Variants in PODXL observed in about 807,000 individuals in gnomAD.
PODXL encodes the protein podocalyxin like, also known as podocalyxin.
Under a neutral mutation model 48.9 loss-of-function variants are expected in PODXL, and 20 were observed. The observed-to-expected ratio is 0.41, with a 90% confidence interval of 0.29 to 0.59. PODXL has a LOEUF of 0.59. PODXL is among the 20% of genes least tolerant of loss of function. The pLI, the probability that PODXL is intolerant of heterozygous loss-of-function variation, is 0.31. For missense variants in PODXL, 606 were observed against 675.1 expected (o/e 0.90, Z 1.13); for synonymous variants, 295 against 287.4 (o/e 1.03, Z -0.27).
At chr7:131,549,673 G>A (rs753118833) in intron 1 of PODXL, among the ~76,000 whole-genome samples, 60 of 152,290 alleles carry the variant, frequency 3.9e-4, no homozygotes, top group Middle Eastern at 6.8e-3. Context: ...GGCTCTGGGA[G>A]GTCCCTGCAC....
intron 1 of PODXL, among the ~76,000 whole-genome samples, chr7:131,541,215 A>G (rs530115628): frequency 6.0e-4 from 91 of 152,264 alleles, no homozygotes; most frequent in Admixed American, 9.8e-4. Flanking sequence ...AGCTAAAACT[A>G]TCACCTATCT....
Position 131,556,543 on chromosome 7 carries a change from C to A in PODXL, c.-184G>T. On this transcript the variant is annotated 5_prime_UTR_variant, in exon 1 of 9. Coordinates refer to ENST00000378555, the MANE Select transcript of PODXL (RefSeq NM_001018111.3). ...TTCCTCCCTGCCGCTGCAGCAGAGC[C>A]GGGCTGGGGCGCAGAGCCAGTGGCA... 1 of 651,352 alleles carries A rather than the reference C, an allele frequency of 1.5e-6. No individual in the cohort carries two copies. Among genetic ancestry groups the A allele is most frequent in the African/African-American group, 1.9e-5 (1 of 52,572 alleles). The allele number at this position is 651,352 out of a possible 1,614,324, so 40.3% of individuals were successfully genotyped here. A position where few individuals can be genotyped will look rare whatever the true frequency, so the allele number is the denominator to read the frequency against.
intron 1 of PODXL, 46 bp downstream of exon 1, chr7:131,556,214 C>A: frequency 7.0e-7 from 1 of 1,423,452 alleles, no homozygotes; most frequent in Non-Finnish European, 9.2e-7. Context: ...GCAGGGGGCA[C>A]ATGGGCACGG....
At chr7:131,517,176 C>G (rs1798012465) in intron 1 of PODXL, among the ~76,000 whole-genome samples, 1 of 152,184 alleles carries the variant, frequency 6.6e-6, no homozygotes, top group Non-Finnish European at 1.5e-5. Context: ...GGAAATGCTG[C>G]TGATTTCAGT....
intron 1 of PODXL, among the ~76,000 whole-genome samples, chr7:131,545,968 C>T (rs1449372582): frequency 6.6e-6 from 1 of 152,226 alleles, no homozygotes; most frequent in East Asian, 1.9e-4. Flanking sequence ...AGAGCAATGC[C>T]CCCAAGGCAG....
Position 131,509,393 on chromosome 7 carries a change from G to T in PODXL, c.995C>A (p.Ser332Tyr). The T allele has an allele frequency of 6.2e-7, 1 of 1,614,114 alleles. No homozygotes were observed. Among genetic ancestry groups the T allele is most frequent in the South Asian group, 1.1e-5 (1 of 91,078 alleles). Residue 332 changes from serine to tyrosine, a missense_variant, in exon 4 of 9, where the codon TCT (serine) becomes TAT (tyrosine). Ser to Tyr is a moderately radical substitution (Grantham distance 144). Transcript: ENST00000378555. ...GTTACTCTCATGAGCCACAGTGGGA[G>T]AAGGTGTTTTGGGGTATCGGTGGGT... ...STTHRYPKTP[S>Y]PTVAHESNWA... is the part of the protein sequence containing the mutation.
chr7:131,543,096 CCA>C (rs1287597291), intron 1 of PODXL, among the ~76,000 whole-genome samples: 1 of 152,102 alleles, frequency 6.6e-6, no homozygotes, highest in Admixed American at 6.5e-5. Flanking sequence ...TGTTTTGAAG[CCA>C]CAGTTTTCTA....
intron 1 of PODXL, among the ~76,000 whole-genome samples, chr7:131,521,801 G>A (rs969926732): frequency 1.3e-5 from 2 of 152,188 alleles, no homozygotes; most frequent in South Asian, 2.1e-4. Flanking sequence ...ACCCTTGCGG[G>A]TGGGGCTGGC....
intron 1 of PODXL, 48 bp downstream of exon 1, chr7:131,556,212 C>A (rs370022891): frequency 1.4e-5 from 20 of 1,416,440 alleles, no homozygotes; most frequent in Non-Finnish European, 1.7e-5. Context: ...GGGCAGGGGG[C>A]ACATGGGCAC....
intron 1 of PODXL, among the ~76,000 whole-genome samples, chr7:131,534,866 A>T (rs1463689380): frequency 1.3e-5 from 2 of 152,134 alleles, no homozygotes; most frequent in Non-Finnish European, 2.9e-5. Flanking sequence ...CCTGGAAAAC[A>T]TGGTGAAACC....
intron 1 of PODXL, among the ~76,000 whole-genome samples, chr7:131,546,496 C>T (rs376130740): frequency 1.8e-4 from 28 of 151,974 alleles, no homozygotes; most frequent in Admixed American, 1.3e-3. Context: ...GAGGCTGAGG[C>T]GGGCGGATCA....
chr7:131,509,904 G>A (rs1797879797), intron 3 of PODXL, among the ~76,000 whole-genome samples: 1 of 152,206 alleles, frequency 6.6e-6, no homozygotes, highest in South Asian at 2.1e-4. Context: ...GGCTCCGAGG[G>A]GCTCAGTGAT....
At chr7:131,539,610 C>T (rs564261807) in intron 1 of PODXL, among the ~76,000 whole-genome samples, 5 of 152,222 alleles carry the variant, frequency 3.3e-5, no homozygotes, top group East Asian at 1.9e-4. Context: ...TGAGCCACCA[C>T]GCCCAGTCCC....
chr7:131,504,309 G>C lies in PODXL; in HGVS notation c.*2C>G, dbSNP rs1797761028. ...GCTGCTGGAGGCCACCGGCAGACCG[G>C]ACTAGAGGTGTGTGTCTTCCTCCTC... On this transcript the variant is annotated 3_prime_UTR_variant, in exon 9 of 9. Transcript: ENST00000378555. 2 of 1,613,562 alleles carry C rather than the reference G, an allele frequency of 1.2e-6. No individual in the cohort carries two copies. Among genetic ancestry groups the C allele is most frequent in the South Asian group, 2.2e-5 (2 of 91,066 alleles).
Position 131,504,275 on chromosome 7 carries a change from C to T in PODXL, c.*36G>A, listed in dbSNP as rs1296946256. 1 of 1,583,292 alleles carries T rather than the reference C, an allele frequency of 6.3e-7. No individual in the cohort carries two copies. Among genetic ancestry groups the T allele is most frequent in the Non-Finnish European group, 8.7e-7 (1 of 1,153,886 alleles). ...GGCACTTGGGGTGGTTGGTCTGGAGCTCTGTGGTGCTGCTGGAGGCCACCG... is the reference window on the plus strand; with the variant it reads ...GGCACTTGGGGTGGTTGGTCTGGAGTTCTGTGGTGCTGCTGGAGGCCACCG... On this transcript the variant is annotated 3_prime_UTR_variant, in exon 9 of 9. Transcript: ENST00000378555.
At chr7:131,524,372 A>G (rs11768548) in intron 1 of PODXL, among the ~76,000 whole-genome samples, 17,364 of 73,176 alleles carry the variant, frequency 0.24, 1,270 homozygotes, top group Admixed American at 0.32. Context: ...GCACACACAC[A>G]CACACACAGA....
chr7:131,536,069 T>C (rs888336551), intron 1 of PODXL, among the ~76,000 whole-genome samples: 2 of 152,182 alleles, frequency 1.3e-5, no homozygotes, highest in African/African-American at 2.4e-5. Context: ...AAGAGGACTA[T>C]GTTTTTTAAC....
chr7:131,506,638 A>G lies in PODXL; in HGVS notation c.1190T>C (p.Ile397Thr), dbSNP rs1562902364. The G allele has an allele frequency of 6.2e-7, 1 of 1,614,076 alleles. No homozygotes were observed. The highest frequency in any genetic ancestry group is 1.3e-5 in the African/African-American group (1 of 74,934). ...ACTTCCTGGAACAGATGCCAGCCGT[A>G]TGCCGCACTTATCTTGGGCCGGGTT... ...TFNPAQDKCGIRLASVPGSQT... is the reference protein window; with the variant it reads ...TFNPAQDKCGTRLASVPGSQT... Residue 397 changes from isoleucine (I) to threonine (T), a missense_variant, in exon 6 of 9, where the codon ATA becomes ACA. By Grantham distance (89) the Ile-to-Thr change is moderately conservative. Transcript: ENST00000378555.
chr7:131,513,888 C>A (rs1279835543), intron 1 of PODXL, among the ~76,000 whole-genome samples: 1 of 152,178 alleles, frequency 6.6e-6, no homozygotes, highest in African/African-American at 2.4e-5. Flanking sequence ...AAATGTTTAT[C>A]AGGAGTAGCC....
Sources: gnomAD v4.1 joint callset for allele counts (sites outside exome capture counted in the v4.1 genomes callset) on GRCh38, gnomAD v4.1.1 for gene constraint, MANE v1.5 for transcripts, NCBI Gene and HGNC (gene_info 2026-07-23, HGNC 2026-07-21) for gene names.